PIK3C2A: variants seen among roughly 807,000 people sequenced by gnomAD.
PIK3C2A encodes phosphatidylinositol-4-phosphate 3-kinase catalytic subunit type 2 alpha, also known as phosphatidylinositol 4-phosphate 3-kinase C2 domain-containing subunit alpha.
PIK3C2A carries 97 observed loss-of-function variants against 204.5 expected under a neutral mutation model. That is an observed-to-expected ratio of 0.47 (90% CI 0.40 to 0.56). The LOEUF (loss-of-function observed/expected upper bound fraction) is 0.56. PIK3C2A is among the 20% of genes least tolerant of loss of function. The pLI is 0.00. For missense variants in PIK3C2A, 1,735 were observed against 1,969.2 expected, an observed-to-expected ratio of 0.88 and a Z score of 2.25; for synonymous variants, 653 against 664.4, an observed-to-expected ratio of 0.98 and a Z score of 0.26.
At chr11:17,093,888 C>T (rs952440132) in intron 28 of PIK3C2A, among the ~76,000 whole-genome samples, 9 of 151,820 alleles carry the variant, frequency 5.9e-5, no homozygotes, top group African/African-American at 1.9e-4. Flanking sequence ...CTCCCTGCCT[C>T]GGCCTCCCAA....
intron 26 of PIK3C2A, among the ~76,000 whole-genome samples, 163 bp downstream of exon 26, chr11:17,099,688 TTTGTATTTA>T (rs375294975): frequency 4.6e-5 from 7 of 152,242 alleles, no homozygotes; most frequent in African/African-American, 1.7e-4. Flanking sequence ...TTGCAAATCC[TTTGTATTTA>T]TTAGTAAATC....
At chr11:17,196,909 A>G (rs1196301517) in intron 1 of PIK3C2A, among the ~76,000 whole-genome samples, 2 of 151,458 alleles carry the variant, frequency 1.3e-5, no homozygotes, top group East Asian at 1.9e-4. Flanking sequence ...GTAGTCAGGG[A>G]AAAAAAAATT....
intron 11 of PIK3C2A, among the ~76,000 whole-genome samples, chr11:17,132,296 A>C (rs1341321276): frequency 6.6e-6 from 1 of 151,078 alleles, no homozygotes; most frequent in Non-Finnish European, 1.5e-5. Context: ...TAATAACACC[A>C]GCTGAATAAT....
rs1850226670 is a variant in PIK3C2A, at chr11:17,145,857, A to G, written c.1640+6T>C. ...AAACCTGCAATTAATGCTTTAGATG[A>G]TATACCTCGTCATGGCTTCTTTGCA... On this transcript the variant is annotated splice_donor_region_variant and intron_variant, in intron 7 of 32. Coordinates refer to ENST00000691414, the MANE Select transcript of PIK3C2A (RefSeq NM_002645.4). The G allele has an allele frequency of 1.2e-6, 2 of 1,610,732 alleles. No individual in the cohort carries two copies. The highest frequency in any genetic ancestry group is 1.7e-5 in the Admixed American group (1 of 59,986).
intron 22 of PIK3C2A, among the ~76,000 whole-genome samples, chr11:17,107,894 C>A (rs1451817965): frequency 6.6e-6 from 1 of 151,860 alleles, no homozygotes; most frequent in Non-Finnish European, 1.5e-5. Context: ...TTTTCTGAGA[C>A]AGAGTCTCAC....
chr11:17,172,896 G>T (rs1485790516), intron 1 of PIK3C2A, among the ~76,000 whole-genome samples: 7 of 152,156 alleles, frequency 4.6e-5, no homozygotes, highest in Non-Finnish European at 1.0e-4. Context: ...CATATTGAAG[G>T]GGGGGAAATC....
chr11:17,104,582 G>C (rs1439191964), intron 23 of PIK3C2A, among the ~76,000 whole-genome samples: 1 of 151,996 alleles, frequency 6.6e-6, no homozygotes, highest in East Asian at 1.9e-4. Context: ...AAAATTGCCT[G>C]GGCGTGGTGG....
chr11:17,166,600 T>A (rs1850957890), intron 2 of PIK3C2A, among the ~76,000 whole-genome samples: 1 of 152,246 alleles, frequency 6.6e-6, no homozygotes, highest in Non-Finnish European at 1.5e-5. Flanking sequence ...GTAGCTACAA[T>A]GCATTCATTG....
chr11:17,119,181 G>C, intron 17 of PIK3C2A, 39 bp downstream of exon 17: 1 of 1,141,416 alleles, frequency 8.8e-7, no homozygotes, highest in Admixed American at 1.9e-5. Flanking sequence ...AAAAACTAGA[G>C]TGAAAGTATA....
intron 2 of PIK3C2A, among the ~76,000 whole-genome samples, chr11:17,156,784 C>T (rs1397714828): frequency 6.6e-6 from 1 of 152,042 alleles, no homozygotes; most frequent in African/African-American, 2.4e-5. Context: ...ACTTCGAGTG[C>T]TACAAAACCA....
In PIK3C2A at chr11:17,091,556, G is replaced by A. The variant is rs1322645920; in HGVS notation, c.4743C>T (p.Ile1581=). The change falls in exon 31 of 33, where the codon ATC becomes ATT. Residue 1581 remains isoleucine, a synonymous_variant. Coordinates refer to ENST00000691414, the MANE Select transcript of PIK3C2A (RefSeq NM_002645.4). ...CTTTGTAATCACTCACAAGATCTTT[G>A]ATATGCATCACCATGATGAAAAGAG... The part of the protein sequence containing the change: ...NGTLFIMVMH[I]KDLVTEDGAD... 6.2e-7 allele frequency: 1 copy of A among 1,608,560 alleles called. No individual in the cohort carries two copies. The highest frequency in any genetic ancestry group is 2.2e-5 in the East Asian group (1 of 44,830).
intron 22 of PIK3C2A, among the ~76,000 whole-genome samples, chr11:17,109,073 G>T (rs987757598): frequency 3.9e-5 from 6 of 152,186 alleles, no homozygotes; most frequent in African/African-American, 1.4e-4. Flanking sequence ...GCCTTGAAAT[G>T]CAGTGAATTC....
chr11:17,140,488 T>C (rs1279658815), intron 8 of PIK3C2A, among the ~76,000 whole-genome samples: 1 of 152,100 alleles, frequency 6.6e-6, no homozygotes, highest in Non-Finnish European at 1.5e-5. Context: ...AAGTGAACTA[T>C]AGATGCCTAC....
At chr11:17,171,688 T>C (rs774706721) in intron 1 of PIK3C2A, among the ~76,000 whole-genome samples, 8 of 152,194 alleles carry the variant, frequency 5.3e-5, no homozygotes, top group South Asian at 2.1e-4. Flanking sequence ...AAACTTTATA[T>C]CAAAAGAAAA....
rs572739581 is a variant in PIK3C2A, at chr11:17,165,687, A to G, written c.1065+2990T>C. On this transcript the variant is annotated intron_variant, in intron 2 of 32. Coordinates refer to ENST00000691414, the MANE Select transcript of PIK3C2A (RefSeq NM_002645.4). Reference sequence around the variant, plus strand: ...CTACTCGGGAGGCTGAGGCAATAGAATCGCTTGAACCCAGCAGGCAGAGGT... The same window carrying G: ...CTACTCGGGAGGCTGAGGCAATAGAGTCGCTTGAACCCAGCAGGCAGAGGT... 4.0e-5 allele frequency among the ~76,000 whole-genome samples: 6 copies of G among 150,006 alleles called. No individual in the cohort carries two copies. The South Asian group carries it at 8.6e-4, about 22-fold the overall frequency.
rs1268579105 is a variant in PIK3C2A at position 17,195,812 on chromosome 11, G to A, written c.-66+12036C>T. On this transcript the variant is annotated intron_variant, in intron 1 of 32. Transcript: ENST00000691414. ...CCCAGCACTTTGGGAGGCCAAGGCAGGTGGATCACGAGGTCAGGGGTTTGA... is the reference window on the plus strand; with the variant it reads ...CCCAGCACTTTGGGAGGCCAAGGCAAGTGGATCACGAGGTCAGGGGTTTGA... Among the ~76,000 whole-genome samples the A allele has an allele frequency of 5.3e-5, 8 of 151,352 alleles. No homozygotes were observed. The South Asian group carries it at 1.0e-3, about 20-fold the overall frequency.
chr11:17,154,344 G>C (rs1055276342), intron 3 of PIK3C2A, among the ~76,000 whole-genome samples: 1 of 152,136 alleles, frequency 6.6e-6, no homozygotes, highest in Non-Finnish European at 1.5e-5. Context: ...GAAAAGAAAT[G>C]CTGGTTAAAA....
At chr11:17,187,933 G>T (rs1851810485) in intron 1 of PIK3C2A, among the ~76,000 whole-genome samples, 2 of 152,014 alleles carry the variant, frequency 1.3e-5, no homozygotes, top group Non-Finnish European at 2.9e-5. Context: ...TAAAAATGAG[G>T]GACAGCTGGG....
chr11:17,193,988 C>A (rs569309665), intron 1 of PIK3C2A: 171 of 360,176 alleles, frequency 4.7e-4, no homozygotes, highest in African/African-American at 3.4e-3. Context: ...ATGTGCATTG[C>A]CAAGAAGCAA....
Sources: gnomAD v4.1 joint callset for allele counts (sites outside exome capture counted in the v4.1 genomes callset) on GRCh38, gnomAD v4.1.1 for gene constraint, MANE v1.5 for transcripts, NCBI Gene and HGNC (gene_info 2026-07-23, HGNC 2026-07-21) for gene names.